TMEM132D: variants seen among roughly 807,000 people sequenced by gnomAD.
The protein encoded by TMEM132D is mature OL transmembrane protein.
TMEM132D carries 21 observed loss-of-function variants against 62.3 expected under a neutral mutation model. The ratio of observed to expected loss-of-function variants is 0.34; its 90% confidence interval spans 0.24 to 0.49. The LOEUF is 0.49. Ranked by LOEUF, TMEM132D falls within the 20% of genes least tolerant of loss-of-function variation. The pLI, the probability that TMEM132D is intolerant of heterozygous loss-of-function variation, is 0.99. For missense variants in TMEM132D, 1,346 were observed against 1,402.8 expected (o/e 0.96, Z 0.65); for synonymous variants, 621 against 575.6 (o/e 1.08, Z -1.13).
At position 129,387,752 on chromosome 12, in the gene TMEM132D, T is replaced by C. The variant is rs145311839; in HGVS notation, c.1116-49935A>G. Among the ~76,000 whole-genome samples the C allele has an allele frequency of 6.1e-3, 849 of 138,118 alleles. 6 individuals carry two copies. The highest frequency in any genetic ancestry group is 0.022 in the African/African-American group (788 of 36,350). The allele number at this position is 138,118 out of a possible 152,430, so 90.6% of individuals were successfully genotyped here. A position where few individuals can be genotyped will look rare whatever the true frequency, so the allele number is the denominator to read the frequency against. On this transcript the variant is annotated intron_variant, in intron 3 of 8. Coordinates refer to ENST00000422113, the MANE Select transcript of TMEM132D (RefSeq NM_133448.3). ...ACACGAATCCTAATATAAACACTAA[T>C]AGCAACACCAATACTAACACCAACA... is the stretch of plus-strand genomic sequence containing the variant.
chr12:129,634,817 T>C (rs1205403065), intron 2 of TMEM132D, among the ~76,000 whole-genome samples: 1 of 152,206 alleles, frequency 6.6e-6, no homozygotes, highest in East Asian at 1.9e-4. Flanking sequence ...TTTTAAAATT[T>C]GCCTTATAGT....
At chr12:129,805,571 C>A (rs1217056002) in intron 1 of TMEM132D, among the ~76,000 whole-genome samples, 2 of 152,032 alleles carry the variant, frequency 1.3e-5, no homozygotes, top group Non-Finnish European at 2.9e-5. Context: ...ACATGTTAGA[C>A]CTAAAACCAT....
At chr12:129,238,996 G>GGTTTTTTTTTTTTTTT (rs374959544) in intron 4 of TMEM132D, among the ~76,000 whole-genome samples, 2 of 133,046 alleles carry the variant, frequency 1.5e-5, no homozygotes, top group Non-Finnish European at 1.6e-5. Flanking sequence ...GTTATTTTCT[G>GGTTTTTTTTTTTTTTT]TTTTTTTTTT....
intron 1 of TMEM132D, among the ~76,000 whole-genome samples, chr12:129,807,075 C>T (rs1872015111): frequency 6.6e-6 from 1 of 151,920 alleles, no homozygotes; most frequent in South Asian, 2.1e-4. Context: ...AAAGTAATTG[C>T]CAAATGAAAA....
intron 1 of TMEM132D, among the ~76,000 whole-genome samples, chr12:129,810,742 T>C (rs1465885950): frequency 2.0e-5 from 3 of 152,330 alleles, no homozygotes; most frequent in Middle Eastern, 3.4e-3. Flanking sequence ...TTCAAACAAG[T>C]ATTAATTTAT....
In TMEM132D at chr12:129,261,747, T is replaced by C. The variant is rs560575977; in HGVS notation, c.1300-52084A>G. On this transcript the variant is annotated intron_variant, in intron 4 of 8. Coordinates refer to ENST00000422113, the MANE Select transcript of TMEM132D (RefSeq NM_133448.3). ...AAGGCCTTCTCTCTGTGTGTGTCTG[T>C]GTCCTAATCTCTGCTTACGAGGACA... Among the ~76,000 whole-genome samples the C allele has an allele frequency of 4.6e-5, 7 of 152,300 alleles. No homozygotes were observed. In the South Asian group the frequency reaches 1.2e-3, roughly 27 times the overall value.
At chr12:129,877,611 G>A (rs185950693) in intron 1 of TMEM132D, among the ~76,000 whole-genome samples, 120 of 94,986 alleles carry the variant, frequency 1.3e-3, no homozygotes, top group African/African-American at 3.7e-3. Context: ...ACGCGCGCGC[G>A]CGCACACACA....
rs1336972824 is a variant in TMEM132D at position 129,356,297 on chromosome 12, C to G, written c.1116-18480G>C. Among the ~76,000 whole-genome samples the G allele has an allele frequency of 2.9e-5, 2 of 69,576 alleles. 1 individual carries two copies. The highest frequency in any genetic ancestry group is 5.7e-4 in the East Asian group (2 of 3,502). The allele number at this position is 69,576 out of a possible 152,430, so 45.6% of individuals were successfully genotyped here. A position where few individuals can be genotyped will look rare whatever the true frequency, so the allele number is the denominator to read the frequency against. On this transcript the variant is annotated intron_variant, in intron 3 of 8. Transcript: ENST00000422113. The stretch of plus-strand genomic sequence containing the variant: ...TCAGCCTCCCAAGTAGCTGGGACTA[C>G]AGGCGCCCGCCACTACGCCCGGCTA...
At chr12:129,849,429 C>G (rs1009848274) in intron 1 of TMEM132D, among the ~76,000 whole-genome samples, 3 of 152,122 alleles carry the variant, frequency 2.0e-5, no homozygotes, top group African/African-American at 7.2e-5. Context: ...AAAATAAAAG[C>G]CTTGAGATGC....
In TMEM132D at chr12:129,325,483, G is replaced by A. The variant is rs77264654; in HGVS notation, c.1299+12151C>T. On this transcript the variant is annotated intron_variant, in intron 4 of 8. Transcript: ENST00000422113. ...AAAGCTGGATGGCACCTGCAAATTA[G>A]GTGGATCCAAAGGCTTGTTGGAATT... Among the ~76,000 whole-genome samples, 1,385 of 152,250 alleles carry A rather than the reference G, an allele frequency of 9.1e-3. 30 individuals carry two copies. The highest frequency in any genetic ancestry group is 0.031 in the African/African-American group (1,306 of 41,550).
intron 5 of TMEM132D, among the ~76,000 whole-genome samples, chr12:129,200,919 T>C (rs1370387509): frequency 6.6e-6 from 1 of 152,210 alleles, no homozygotes; most frequent in African/African-American, 2.4e-5. Flanking sequence ...ACACTCCTTC[T>C]CCTCACAGCA....
intron 5 of TMEM132D, among the ~76,000 whole-genome samples, chr12:129,143,212 C>G (rs1462966391): frequency 6.6e-6 from 1 of 152,102 alleles, no homozygotes; most frequent in Admixed American, 6.6e-5. Flanking sequence ...TCCACCATCC[C>G]CTCTTTGGGT....
At chr12:129,799,643 T>A (rs777969393) in intron 1 of TMEM132D, among the ~76,000 whole-genome samples, 17 of 152,196 alleles carry the variant, frequency 1.1e-4, no homozygotes, top group Middle Eastern at 3.4e-3. Context: ...TCTCTCACAC[T>A]TGCGCACTTC....
At chr12:129,695,333 C>T (rs1444523053) in intron 2 of TMEM132D, among the ~76,000 whole-genome samples, 1 of 152,152 alleles carries the variant, frequency 6.6e-6, no homozygotes, top group Non-Finnish European at 1.5e-5. Flanking sequence ...ATGCAGCACA[C>T]AATTGTAAGG....
At chr12:129,543,455 A>G (rs1437260623) in intron 2 of TMEM132D, among the ~76,000 whole-genome samples, 2 of 152,182 alleles carry the variant, frequency 1.3e-5, no homozygotes, top group Non-Finnish European at 2.9e-5. Flanking sequence ...TTACATTCCA[A>G]TAAAACTTAC....
At chr12:129,809,176 C>T (rs1276402248) in intron 1 of TMEM132D, among the ~76,000 whole-genome samples, 7 of 151,952 alleles carry the variant, frequency 4.6e-5, no homozygotes, top group Non-Finnish European at 8.8e-5. Context: ...GGCATGGTGG[C>T]GGGCACCTGT....
chr12:129,279,587 CA>C (rs1881086835), intron 4 of TMEM132D, among the ~76,000 whole-genome samples: 1 of 151,740 alleles, frequency 6.6e-6, no homozygotes, highest in Non-Finnish European at 1.5e-5. Context: ...CGAAAACCTA[CA>C]AAATCTTTCA....
chr12:129,580,628 C>G (rs1047285370), intron 2 of TMEM132D, among the ~76,000 whole-genome samples: 20 of 152,034 alleles, frequency 1.3e-4, no homozygotes, highest in Non-Finnish European at 2.9e-4. Context: ...CGCTTAAACC[C>G]GGGAGGCAAA....
At chr12:129,561,185 T>C (rs926190169) in intron 2 of TMEM132D, among the ~76,000 whole-genome samples, 2 of 152,198 alleles carry the variant, frequency 1.3e-5, no homozygotes, top group Admixed American at 6.5e-5. Context: ...TAAAAACATG[T>C]CTGTAAGAGT....
Sources: gnomAD v4.1 joint callset for allele counts (sites outside exome capture counted in the v4.1 genomes callset) on GRCh38, gnomAD v4.1.1 for gene constraint, MANE v1.5 for transcripts, NCBI Gene and HGNC (gene_info 2026-07-23, HGNC 2026-07-21) for gene names.